Variants in CACNA1A observed in about 807,000 individuals in gnomAD.
CACNA1A encodes voltage-dependent P/Q-type calcium channel subunit alpha-1A.
A neutral mutation model predicts 262.4 loss-of-function variants in CACNA1A; 57 were observed. The observed-to-expected ratio is 0.22, with a 90% CI of 0.18 to 0.27. The LOEUF is 0.27. Ranked by LOEUF, CACNA1A falls within the 10% of genes least tolerant of loss-of-function variation. The pLI, the probability that CACNA1A is intolerant of heterozygous loss-of-function variation, is 1.00. For synonymous variants in CACNA1A, 1,431 were observed against 1,419.3 expected, an observed-to-expected ratio of 1.01 and a Z score of -0.18; for missense variants, 2,526 against 3,562.8, an observed-to-expected ratio of 0.71 and a Z score of 7.41.
chr19:13,245,084 C>A, intron 31 of CACNA1A, 98 bp downstream of exon 31: 1 of 999,558 alleles, frequency 1.0e-6, no homozygotes, highest in Non-Finnish European at 1.6e-6. Context: ...GCAGCTATGG[C>A]TTCCGGGACA....
intron 19 of CACNA1A, among the ~76,000 whole-genome samples, chr19:13,296,190 T>G (rs952908004): frequency 2.0e-5 from 3 of 152,254 alleles, no homozygotes; most frequent in African/African-American, 7.2e-5. Flanking sequence ...CAGGCTCCAC[T>G]GAGTCCTTAG....
intron 1 of CACNA1A, among the ~76,000 whole-genome samples, chr19:13,470,283 A>G (rs1414506023): frequency 6.6e-6 from 1 of 151,576 alleles, no homozygotes; most frequent in Admixed American, 6.6e-5. Context: ...TTCTTCTCCT[A>G]CCCTCCCCAG....
chr19:13,396,970 T>C (rs1006967158), intron 3 of CACNA1A, among the ~76,000 whole-genome samples: 3 of 152,238 alleles, frequency 2.0e-5, no homozygotes, highest in African/African-American at 4.8e-5. Flanking sequence ...CCAGGAAATG[T>C]AGGGCTCGCG....
intron 1 of CACNA1A, among the ~76,000 whole-genome samples, chr19:13,479,877 C>T (rs773126891): frequency 7.2e-5 from 11 of 152,294 alleles, no homozygotes; most frequent in Admixed American, 2.0e-4. Flanking sequence ...CTATACCAGC[C>T]GTTGACAAAC....
chr19:13,502,670 C>T (rs563719359), intron 1 of CACNA1A, among the ~76,000 whole-genome samples: 3 of 152,218 alleles, frequency 2.0e-5, no homozygotes, highest in South Asian at 4.2e-4. Flanking sequence ...TCAAAGACTT[C>T]CATTTGGGTT....
intron 28 of CACNA1A, chr19:13,256,432 G>A (rs927523875): frequency 1.3e-5 from 2 of 152,206 alleles, no homozygotes; most frequent in African/African-American, 4.8e-5. Context: ...TAGCTTGGAT[G>A]ATGCCAGAGA....
intron 17 of CACNA1A, among the ~76,000 whole-genome samples, chr19:13,302,290 ATCTTGTT>A (rs2057802955): frequency 6.6e-6 from 1 of 152,130 alleles, no homozygotes; most frequent in Non-Finnish European, 1.5e-5. Context: ...TTACAAATTT[ATCTTGTT>A]TCTTGTCTGT....
rs1311890494 is a variant in CACNA1A at position 13,427,942 on chromosome 19, G to GTTTTTTTTTT, written c.539+24933_539+24934insAAAAAAAAAA. ...ATAGGTAAAATGTGGATAATAACAG[G>GTTTTTTTTTT]TTGTTTTTTTTTGTGTGTGTGACAG... On this transcript the variant is annotated intron_variant, in intron 3 of 46. Coordinates refer to ENST00000360228, the MANE Select transcript of CACNA1A (RefSeq NM_001127222.2). Among the ~76,000 whole-genome samples, 16 of 151,158 alleles carry GTTTTTTTTTT rather than the reference G, an allele frequency of 1.1e-4. 1 individual carries two copies. Among genetic ancestry groups the GTTTTTTTTTT allele is most frequent in the African/African-American group, 3.7e-4 (15 of 40,652 alleles).
At chr19:13,344,884 AGCTGGGATTACAGGCACGCACCACCAC>A (rs2058737098) in intron 6 of CACNA1A, among the ~76,000 whole-genome samples, 1 of 151,934 alleles carries the variant, frequency 6.6e-6, no homozygotes, top group Non-Finnish European at 1.5e-5. Flanking sequence ...CCTCCCAAGT[AGCTGGGATTACAGGCACGCACCACCAC>A]GCTCAGCTAA....
chr19:13,360,695 C>T (rs949996342), intron 5 of CACNA1A, among the ~76,000 whole-genome samples: 5 of 152,068 alleles, frequency 3.3e-5, no homozygotes, highest in Non-Finnish European at 7.4e-5. Flanking sequence ...CCAGGCTGGT[C>T]TCGAACTCCT....
chr19:13,295,476 G>GT (rs1244782717), intron 19 of CACNA1A, among the ~76,000 whole-genome samples: 2 of 150,618 alleles, frequency 1.3e-5, no homozygotes, highest in Non-Finnish European at 1.5e-5. Context: ...GTTTGTTTGG[G>GT]TTTTTTCTTT....
At position 13,241,523 on chromosome 19, in the gene CACNA1A, G is replaced by T; in HGVS notation, c.4950+3659C>A. ...CTTCAGAAAGAAGTAAGACCAACCGGATTCTAGATGCAGATGTTGAAGATG... is the reference window on the plus strand; with the variant it reads ...CTTCAGAAAGAAGTAAGACCAACCGTATTCTAGATGCAGATGTTGAAGATG... On this transcript the variant is annotated intron_variant, in intron 31 of 46. Transcript: ENST00000360228. This position sits in a 1 kb window ranked among gnomAD's most constrained non-coding sequence, Gnocchi z 4.0. The T allele has an allele frequency of 1.8e-6, 2 of 1,083,570 alleles. No homozygotes were observed. The highest frequency in any genetic ancestry group is 2.5e-6 in the Non-Finnish European group (2 of 798,892). The allele number at this position is 1,083,570 out of a possible 1,614,324, so 67.1% of individuals were successfully genotyped here. A position where few individuals can be genotyped will look rare whatever the true frequency, so the allele number is the denominator to read the frequency against.
rs2058552890 is a variant in CACNA1A, at chr19:13,335,674, CTG to C, written c.1082+130_1082+131del. 3 of 686,898 alleles carry C rather than the reference CTG, an allele frequency of 4.4e-6. No homozygotes were observed. The East Asian group carries it at 8.2e-5, about 19-fold the overall frequency. 42.6% of individuals were successfully genotyped at this position (686,898 alleles called of 1,614,324 possible). A position where few individuals can be genotyped will look rare whatever the true frequency, so the allele number is the denominator to read the frequency against. ...CTGTGCATGGCTTGCTAATAACAGTCTGGTAACCCAAACAAGGGAAGAAGCCT... is the reference window on the plus strand; with the variant it reads ...CTGTGCATGGCTTGCTAATAACAGTCGTAACCCAAACAAGGGAAGAAGCCT... On this transcript the variant is annotated intron_variant, in intron 7 of 46. Coordinates refer to ENST00000360228, the MANE Select transcript of CACNA1A (RefSeq NM_001127222.2).
intron 12 of CACNA1A, among the ~76,000 whole-genome samples, chr19:13,309,907 C>T (rs2057984330): frequency 2.0e-5 from 3 of 152,092 alleles, no homozygotes; most frequent in African/African-American, 7.2e-5. Context: ...GCAACTATCA[C>T]CTCTATCAAG....
intron 6 of CACNA1A, among the ~76,000 whole-genome samples, chr19:13,351,389 TG>T (rs1417017812): frequency 6.6e-6 from 1 of 152,216 alleles, no homozygotes; most frequent in African/African-American, 2.4e-5. Context: ...TTGCCCAGGC[TG>T]GAGTGCAGTG....
intron 10 of CACNA1A, among the ~76,000 whole-genome samples, chr19:13,321,478 G>A (rs566129451): frequency 6.6e-5 from 10 of 152,262 alleles, no homozygotes; most frequent in African/African-American, 2.2e-4. Context: ...GACGTGTTCT[G>A]AGAAATGCAT....
At chr19:13,386,894 G>A (rs565788442) in intron 3 of CACNA1A, among the ~76,000 whole-genome samples, 1 of 152,250 alleles carries the variant, frequency 6.6e-6, no homozygotes, top group Admixed American at 6.5e-5. Flanking sequence ...AAGATGGAAG[G>A]ACTCTTTGGA....
intron 12 of CACNA1A, among the ~76,000 whole-genome samples, chr19:13,311,768 C>T (rs903458679): frequency 8.6e-5 from 13 of 151,864 alleles, no homozygotes; most frequent in Non-Finnish European, 1.6e-4. Context: ...ACCTGGGAGG[C>T]GGAGCTTGCA....
intron 1 of CACNA1A, among the ~76,000 whole-genome samples, chr19:13,480,200 C>G (rs575048692): frequency 2.0e-5 from 3 of 152,138 alleles, no homozygotes; most frequent in East Asian, 3.8e-4. Flanking sequence ...TTACACCAAG[C>G]GTGCTTGTCT....
Sources: allele counts gnomAD v4.1 joint callset (sites outside exome capture counted in the v4.1 genomes callset), GRCh38; gene constraint gnomAD v4.1.1; non-coding constraint Gnocchi (gnomAD v3.1); transcripts MANE v1.5; gene names NCBI Gene and HGNC (gene_info 2026-07-23, HGNC 2026-07-21).